ACOT7: variants seen among roughly 807,000 people sequenced by gnomAD.
The protein encoded by ACOT7 is acyl-CoA thioesterase 7.
In ACOT7, 12 loss-of-function variants were observed where a neutral mutation model predicts 40.2. The observed-to-expected ratio is 0.30, with a 90% confidence interval of 0.19 to 0.48. The LOEUF (loss-of-function observed/expected upper bound fraction) is 0.48. Ranked by LOEUF, ACOT7 falls within the 20% of genes least tolerant of loss-of-function variation. ACOT7 has a pLI of 0.99. For synonymous variants in ACOT7, 228 were observed against 219.5 expected, an observed-to-expected ratio of 1.04 and a Z score of -0.34; for missense variants, 395 against 530.8, an observed-to-expected ratio of 0.74 and a Z score of 2.51.
intron 6 of ACOT7, among the ~76,000 whole-genome samples, chr1:6,303,002 C>A (rs1413993726): frequency 6.6e-6 from 1 of 151,750 alleles, no homozygotes; most frequent in African/African-American, 2.4e-5. Flanking sequence ...CCACCACTGT[C>A]CACCTGGGCC....
intron 6 of ACOT7, among the ~76,000 whole-genome samples, chr1:6,297,692 A>T (rs558963562): frequency 3.9e-5 from 6 of 152,112 alleles, no homozygotes; most frequent in Non-Finnish European, 7.4e-5. Flanking sequence ...GATACTAAGG[A>T]CTTATAAGTG....
chr1:6,306,324 C>T lies in ACOT7; in HGVS notation c.713-11344G>A, dbSNP rs924923474. On this transcript the variant is annotated intron_variant, in intron 6 of 8. Transcript: ENST00000361521. The surrounding 1 kb of genome is among the most constrained non-coding windows in gnomAD (Gnocchi z 4.3). ...GTGCCCCATGATTTGAGAGGGATGA[C>T]GTGCTGGCCACCAGGGACCCGGCTG... The T allele has an allele frequency of 3.2e-5, 32 of 985,196 alleles. 1 individual carries two copies. Among genetic ancestry groups the T allele is most frequent in the African/African-American group, 3.1e-4 (18 of 57,170 alleles). 61.0% of individuals were successfully genotyped at this position (985,196 alleles called of 1,614,324 possible). A position where few individuals can be genotyped will look rare whatever the true frequency, so the allele number is the denominator to read the frequency against.
At chr1:6,319,543 A>G (rs1451142076) in intron 5 of ACOT7, among the ~76,000 whole-genome samples, 1 of 152,226 alleles carries the variant, frequency 6.6e-6, no homozygotes, top group Non-Finnish European at 1.5e-5. Flanking sequence ...TCTCTGTCTG[A>G]CAAAAGAAAA....
Position 6,299,288 on chromosome 1 carries a change from G to C in ACOT7, c.713-4308C>G, listed in dbSNP as rs1189075365. ...TATCATGGGATGTGGGGATTTGGTG[G>C]ACATCTGTTGAGCTGAACACTAATT... is the stretch of plus-strand genomic sequence containing the variant. On this transcript the variant is annotated intron_variant, in intron 6 of 8. Transcript: ENST00000361521. This position sits in a 1 kb window ranked among gnomAD's most constrained non-coding sequence, Gnocchi z 4.1. 6.6e-6 allele frequency among the ~76,000 whole-genome samples: 1 copy of C among 152,264 alleles called. No homozygotes were observed.
chr1:6,371,362 CT>C (rs377275678), intron 1 of ACOT7, among the ~76,000 whole-genome samples: 21,950 of 142,894 alleles, frequency 0.15, 3,341 homozygotes, highest in African/African-American at 0.4. Context: ...TCAGCCTGTC[CT>C]TTTTTTTTTT....
rs72633447 is a variant in ACOT7, at chr1:6,384,109, T to C, written c.143+9148A>G. On this transcript the variant is annotated intron_variant, in intron 1 of 8. Transcript: ENST00000361521. ...AAATTTTCTTAATTAAAAAATTTTATCTGAGAAGGGACTTGCATCTAGAAT... is the reference window on the plus strand; with the variant it reads ...AAATTTTCTTAATTAAAAAATTTTACCTGAGAAGGGACTTGCATCTAGAAT... Among the ~76,000 whole-genome samples, 696 of 152,014 alleles carry C rather than the reference T, an allele frequency of 4.6e-3. 13 individuals carry two copies. The highest frequency in any genetic ancestry group is 7.8e-3 in the Non-Finnish European group (530 of 67,912).
At chr1:6,345,197 G>C (rs998566034) in intron 2 of ACOT7, among the ~76,000 whole-genome samples, 6 of 152,246 alleles carry the variant, frequency 3.9e-5, no homozygotes, top group Non-Finnish European at 7.3e-5. Flanking sequence ...CTGGGACAGA[G>C]ACACGAGCTC....
chr1:6,266,714 C>A (rs973013573), intron 8 of ACOT7, among the ~76,000 whole-genome samples: 3 of 152,400 alleles, frequency 2.0e-5, no homozygotes, highest in Non-Finnish European at 2.9e-5. Context: ...TGGAGGGAAG[C>A]TGCAGCTTCT....
intron 8 of ACOT7, among the ~76,000 whole-genome samples, chr1:6,269,944 G>T (rs1289000911): frequency 3.3e-5 from 5 of 152,222 alleles, no homozygotes; most frequent in African/African-American, 9.7e-5. Context: ...CAGGGTGAAG[G>T]TTTATGAAGA....
intron 2 of ACOT7, among the ~76,000 whole-genome samples, chr1:6,348,762 G>C (rs533300925): frequency 8.5e-4 from 130 of 152,306 alleles, no homozygotes; most frequent in African/African-American, 2.7e-3. Context: ...CTTAGTTCCG[G>C]CAGCCCAGGC....
chr1:6,282,972 A>G lies in ACOT7; in HGVS notation c.830-1686T>C, dbSNP rs116217304. 1.5e-3 allele frequency: 699 copies of G among 470,350 alleles called. 2 individuals carry two copies. Among genetic ancestry groups the G allele is most frequent in the African/African-American group, 0.012 (625 of 50,102 alleles). The allele number at this position is 470,350 out of a possible 1,614,324, so 29.1% of individuals were successfully genotyped here. On this transcript the variant is annotated intron_variant, in intron 7 of 8. Transcript: ENST00000361521. This position sits in a 1 kb window ranked among gnomAD's most constrained non-coding sequence, Gnocchi z 4.5. ...CAATGCCCAGCCCACATCCCTCACC[A>G]ACAATTGTGTATAACACTTGGGAGT...
chr1:6,287,764 C>CT (rs961134532), intron 7 of ACOT7, among the ~76,000 whole-genome samples: 11 of 152,186 alleles, frequency 7.2e-5, no homozygotes, highest in Non-Finnish European at 1.2e-4. Context: ...GTTAGCAAGA[C>CT]TGAGAGGTTG....
At chr1:6,272,205 T>C (rs1639056031) in intron 8 of ACOT7, among the ~76,000 whole-genome samples, 1 of 152,230 alleles carries the variant, frequency 6.6e-6, no homozygotes, top group African/African-American at 2.4e-5. Flanking sequence ...GCACCATGCC[T>C]GGACATAGCA....
intron 4 of ACOT7, among the ~76,000 whole-genome samples, chr1:6,332,078 C>T (rs1332978582): frequency 6.6e-6 from 1 of 152,334 alleles, no homozygotes; most frequent in Non-Finnish European, 1.5e-5. Flanking sequence ...CTGCCGGCAG[C>T]GGCAAGAGCA....
chr1:6,264,539 C>A lies in ACOT7; in HGVS notation c.*58G>T. ...GGCCAAGGGGGGAACTTCTAAGTGA[C>A]TGGACACTGGGCCCGTTGCCATGGC... On this transcript the variant is annotated 3_prime_UTR_variant, in exon 9 of 9. Transcript: ENST00000361521. The A allele has an allele frequency of 1.3e-6, 2 of 1,534,570 alleles. No homozygotes were observed. Among genetic ancestry groups the A allele is most frequent in the South Asian group, 1.2e-5 (1 of 83,564 alleles).
At chr1:6,305,252 A>T (rs1640104720) in intron 6 of ACOT7, among the ~76,000 whole-genome samples, 1 of 122,692 alleles carries the variant, frequency 8.2e-6, no homozygotes, top group Non-Finnish European at 1.7e-5. Context: ...CGGGGGGCTG[A>T]CCCCCCCACC....
chr1:6,378,638 T>C (rs1371312307), intron 1 of ACOT7, among the ~76,000 whole-genome samples: 1 of 151,870 alleles, frequency 6.6e-6, no homozygotes, highest in African/African-American at 2.4e-5. Flanking sequence ...CTGAGCTGTC[T>C]GGCATGGCCC....
intron 7 of ACOT7, among the ~76,000 whole-genome samples, chr1:6,287,198 A>G (rs1486446302): frequency 6.6e-6 from 1 of 152,238 alleles, no homozygotes; most frequent in African/African-American, 2.4e-5. Flanking sequence ...CTGTAGCCGC[A>G]TGTAATCAAT....
chr1:6,279,323 C>T (rs974034862), intron 8 of ACOT7, among the ~76,000 whole-genome samples: 175 of 145,502 alleles, frequency 1.2e-3, no homozygotes, highest in African/African-American at 4.2e-3. Context: ...CAGGGCAAGG[C>T]GGGTAGGCTT....
Sources: gnomAD v4.1 joint callset for allele counts (sites outside exome capture counted in the v4.1 genomes callset) on GRCh38, gnomAD v4.1.1 for gene constraint, Gnocchi (gnomAD v3.1) non-coding constraint, MANE v1.5 for transcripts, NCBI Gene and HGNC (gene_info 2026-07-23, HGNC 2026-07-21) for gene names.